WDR25: variants seen among roughly 807,000 people sequenced by gnomAD.
WDR25 encodes the protein WD repeat domain 25.
Under a neutral mutation model 47.7 loss-of-function variants are expected in WDR25, and 35 were observed. The ratio of observed to expected loss-of-function variants is 0.73; its 90% CI spans 0.56 to 0.97. WDR25 has a LOEUF of 0.97. Among genes scored for constraint, WDR25 ranks in the 50% least tolerant of loss-of-function variants. The pLI, the probability that WDR25 is intolerant of heterozygous loss-of-function variation, is 0.00. For synonymous variants in WDR25, 248 were observed against 278.9 expected (o/e 0.89, Z 1.10); for missense variants, 634 against 704.7 (o/e 0.90, Z 1.14).
chr14:100,456,893 C>G, intron 2 of WDR25, among the ~76,000 whole-genome samples: 1 of 152,186 alleles, frequency 6.6e-6, no homozygotes, highest in Non-Finnish European at 1.5e-5. Context: ...TCTCAGTGAA[C>G]CCCTGGCACA....
chr14:100,474,186 C>T (rs79615533), intron 3 of WDR25, among the ~76,000 whole-genome samples: 3,353 of 152,284 alleles, frequency 0.022, 118 homozygotes, highest in African/African-American at 0.077. Flanking sequence ...GAATATCCTT[C>T]GTTTCTCACT....
At chr14:100,466,699 G>A (rs527582912) in intron 2 of WDR25, among the ~76,000 whole-genome samples, 1 of 152,324 alleles carries the variant, frequency 6.6e-6, no homozygotes, top group Non-Finnish European at 1.5e-5. Context: ...GTATCAGGTG[G>A]GAGGCACTCC....
At chr14:100,477,539 C>T (rs993161925) in intron 3 of WDR25, among the ~76,000 whole-genome samples, 6 of 151,738 alleles carry the variant, frequency 4.0e-5, no homozygotes, top group Admixed American at 1.3e-4. Flanking sequence ...CTAACCATTG[C>T]GCTGAAAGTA....
chr14:100,450,589 C>T lies in WDR25; in HGVS notation c.823-17432C>T, dbSNP rs181320037. 3.3e-5 allele frequency among the ~76,000 whole-genome samples: 5 copies of T among 152,376 alleles called. No individual in the cohort carries two copies. The East Asian group carries it at 9.6e-4, about 29-fold the overall frequency. The stretch of plus-strand genomic sequence containing the variant: ...AGTGAATGAGAGTCACTCAGTCACT[C>T]TAAGCCTCTCTTTGCCCATCTGTAA... On this transcript the variant is annotated intron_variant, in intron 2 of 6. Transcript: ENST00000402312.
In WDR25 at chr14:100,446,550, CAAA is replaced by C. The variant is rs55946078; in HGVS notation, c.823-21452_823-21450del. Among the ~76,000 whole-genome samples, 15 of 75,002 alleles carry C rather than the reference CAAA, an allele frequency of 2.0e-4. 1 individual carries two copies. Among genetic ancestry groups the C allele is most frequent in the East Asian group, 1.4e-3 (4 of 2,760 alleles). 49.2% of individuals were successfully genotyped at this position (75,002 alleles called of 152,430 possible). A position where few individuals can be genotyped will look rare whatever the true frequency, so the allele number is the denominator to read the frequency against. On this transcript the variant is annotated intron_variant, in intron 2 of 6. Coordinates refer to ENST00000402312, the MANE Select transcript of WDR25 (RefSeq NM_001161476.3). Reference sequence around the variant, plus strand: ...TGGGTGACAGAGGAAGACTCCATCTCAAAAAAAAAAAAAAAAAAAAAGTAAAAA... The same window carrying C: ...TGGGTGACAGAGGAAGACTCCATCTCAAAAAAAAAAAAAAAAAAGTAAAAA...
At chr14:100,448,210 AAAG>A (rs939782475) in intron 2 of WDR25, among the ~76,000 whole-genome samples, 3 of 151,716 alleles carry the variant, frequency 2.0e-5, no homozygotes, top group African/African-American at 7.3e-5. Context: ...AAAAAAAAAA[AAAG>A]AAGATTTTAG....
At chr14:100,415,297 T>C (rs1272725046) in intron 2 of WDR25, among the ~76,000 whole-genome samples, 1 of 152,152 alleles carries the variant, frequency 6.6e-6, no homozygotes, top group African/African-American at 2.4e-5. Context: ...ATTTCTAAAC[T>C]AACCAGAGAA....
intron 2 of WDR25, among the ~76,000 whole-genome samples, chr14:100,387,175 T>A (rs1897039625): frequency 6.6e-6 from 1 of 152,048 alleles, no homozygotes; most frequent in Non-Finnish European, 1.5e-5. Flanking sequence ...TCCAGCCTAG[T>A]GCCTGACAAG....
chr14:100,497,977 T>C (rs936353319), intron 4 of WDR25, among the ~76,000 whole-genome samples: 8 of 152,214 alleles, frequency 5.3e-5, no homozygotes, highest in Non-Finnish European at 7.3e-5. Context: ...TGGCATCTGG[T>C]CAGCAGTTCA....
chr14:100,426,358 A>T (rs1898167941), intron 2 of WDR25, among the ~76,000 whole-genome samples: 2 of 152,350 alleles, frequency 1.3e-5, no homozygotes. Context: ...CCCAAATGGG[A>T]TTGCCCTTCC....
chr14:100,433,114 C>T (rs1272457296), intron 2 of WDR25, among the ~76,000 whole-genome samples: 3 of 152,208 alleles, frequency 2.0e-5, no homozygotes, highest in African/African-American at 7.2e-5. Context: ...ATCTACTGTA[C>T]ATACCTTATT....
At chr14:100,481,178 G>C in intron 3 of WDR25, 1 of 433,424 alleles carries the variant, frequency 2.3e-6, no homozygotes, top group Non-Finnish European at 4.5e-6. Flanking sequence ...GGTTAACCAA[G>C]AAACTAAAGT....
intron 2 of WDR25, among the ~76,000 whole-genome samples, chr14:100,423,851 A>G (rs1218202041): frequency 1.3e-5 from 2 of 152,192 alleles, no homozygotes; most frequent in Non-Finnish European, 2.9e-5. Context: ...CTCAGGAAGC[A>G]GCATCTACAT....
chr14:100,494,663 TA>T (rs1900673688), intron 4 of WDR25, among the ~76,000 whole-genome samples: 1 of 152,358 alleles, frequency 6.6e-6, no homozygotes, highest in South Asian at 2.1e-4. Flanking sequence ...CTCTCCCCTT[TA>T]AATAGGACAG....
chr14:100,386,733 A>G (rs180849092), intron 2 of WDR25, among the ~76,000 whole-genome samples: 4 of 152,172 alleles, frequency 2.6e-5, no homozygotes, highest in Admixed American at 2.0e-4. Flanking sequence ...CTCTACTAAA[A>G]ATACAAAAAA....
rs556895751 is a variant in WDR25, at chr14:100,464,453, A to G, written c.823-3568A>G. ...CCTCACTAGAATATAAACTCTTTGA[A>G]GGCAGAGATTTTTGTCTTATTTGTT... On this transcript the variant is annotated intron_variant, in intron 2 of 6. Transcript: ENST00000402312. Among the ~76,000 whole-genome samples the G allele has an allele frequency of 1.2e-4, 18 of 152,294 alleles. No individual in the cohort carries two copies. The East Asian group carries it at 1.9e-3, about 16-fold the overall frequency.
intron 2 of WDR25, among the ~76,000 whole-genome samples, chr14:100,413,816 G>T (rs1447323482): frequency 6.6e-6 from 1 of 152,226 alleles, no homozygotes; most frequent in Non-Finnish European, 1.5e-5. Context: ...GCAGGGCGTA[G>T]CCTTTAGTGT....
intron 2 of WDR25, among the ~76,000 whole-genome samples, 168 bp from the exon 3 acceptor site, chr14:100,467,853 C>T (rs1157365873): frequency 1.3e-5 from 2 of 152,126 alleles, no homozygotes; most frequent in African/African-American, 4.8e-5. Flanking sequence ...CAATCCCAAG[C>T]CTTTACATTT....
At chr14:100,435,211 A>G (rs1348695562) in intron 2 of WDR25, among the ~76,000 whole-genome samples, 2 of 152,226 alleles carry the variant, frequency 1.3e-5, no homozygotes, top group East Asian at 3.8e-4. Flanking sequence ...GTCTGGTGCC[A>G]GAACTGAAAC....
Sources: allele counts gnomAD v4.1 joint callset (sites outside exome capture counted in the v4.1 genomes callset), GRCh38; gene constraint gnomAD v4.1.1; transcripts MANE v1.5; gene names NCBI Gene and HGNC (gene_info 2026-07-23, HGNC 2026-07-21).